RUBCN: variants seen among roughly 807,000 people sequenced by gnomAD.
RUBCN encodes the protein run domain Beclin-1-interacting and cysteine-rich domain-containing protein.
In RUBCN, 74 loss-of-function variants were observed where a neutral mutation model predicts 113.2. The ratio of observed to expected loss-of-function variants is 0.65; its 90% CI spans 0.54 to 0.79. The LOEUF (loss-of-function observed/expected upper bound fraction) is 0.79, where lower values mean the gene tolerates loss of function less well. Ranked by LOEUF, RUBCN falls within the 30% of genes least tolerant of loss-of-function variation. The pLI is 0.00. For synonymous variants in RUBCN, 480 were observed against 490.0 expected (o/e 0.98, Z 0.27); for missense variants, 1,109 against 1,251.7 (o/e 0.89, Z 1.72).
chr3:197,735,883 C>T (rs907922992), intron 1 of RUBCN, among the ~76,000 whole-genome samples: 1 of 152,186 alleles, frequency 6.6e-6, no homozygotes, highest in African/African-American at 2.4e-5. Context: ...AGGCACCGCA[C>T]CCGGTCCAAA....
intron 2 of RUBCN, among the ~76,000 whole-genome samples, chr3:197,717,321 G>C (rs978833720): frequency 6.6e-6 from 1 of 151,966 alleles, no homozygotes; most frequent in East Asian, 1.9e-4. Context: ...GCGGGCGCCT[G>C]TAGTCCCAGC....
chr3:197,743,470 A>G (rs553561738), intron 1 of RUBCN, among the ~76,000 whole-genome samples: 4 of 152,356 alleles, frequency 2.6e-5, no homozygotes, highest in Admixed American at 2.6e-4. Flanking sequence ...ACAAATTTTG[A>G]GATTAAAAGG....
rs1487235465 is a variant in RUBCN, at chr3:197,671,888, C to T, written c.*3130G>A. 2 of 152,320 alleles carry T rather than the reference C, an allele frequency of 1.3e-5. No individual in the cohort carries two copies. Among genetic ancestry groups the T allele is most frequent in the South Asian group, 2.1e-4 (1 of 4,824 alleles). The allele number at this position is 152,320 out of a possible 1,614,324, so 9.4% of individuals were successfully genotyped here. A position where few individuals can be genotyped will look rare whatever the true frequency, so the allele number is the denominator to read the frequency against. ...CTCACTTTCCTTGATGTGTGTGGTC[C>T]AGTTTGCTTTACATTATAACACAGA... On this transcript the variant is annotated 3_prime_UTR_variant, in exon 20 of 20. Transcript: ENST00000296343.
At chr3:197,707,205 G>A (rs975373351) in intron 2 of RUBCN, among the ~76,000 whole-genome samples, 2 of 152,162 alleles carry the variant, frequency 1.3e-5, no homozygotes, top group African/African-American at 2.4e-5. Context: ...GGTGGTGGGC[G>A]CCTGTAGTCC....
At chr3:197,741,212 T>C (rs1386496194), upstream of RUBCN, among the ~76,000 whole-genome samples, 3 of 152,212 alleles carry the variant, frequency 2.0e-5, no homozygotes, top group East Asian at 5.8e-4. Flanking sequence ...AATTTTAGTG[T>C]TTCACATGGA....
At chr3:197,708,328 G>A (rs1433148830) in intron 2 of RUBCN, among the ~76,000 whole-genome samples, 1 of 151,752 alleles carries the variant, frequency 6.6e-6, no homozygotes, top group African/African-American at 2.4e-5. Context: ...TAGAGATGGG[G>A]TTTCACCATG....
chr3:197,731,252 C>T (rs543574772), intron 1 of RUBCN, among the ~76,000 whole-genome samples: 2 of 152,294 alleles, frequency 1.3e-5, no homozygotes, highest in Non-Finnish European at 2.9e-5. Context: ...TTGCACCACC[C>T]TCAATCCATT....
rs1720288036 is a variant in RUBCN, at chr3:197,675,569, C to G, written c.2647-54G>C. ...TGAGGAGCGGCACATCAGGAACTGG[C>G]ACGGGAGGGTGAACACCGAGGAGGG... On this transcript the variant is annotated intron_variant, in intron 18 of 19. Transcript: ENST00000296343. This position sits in a 1 kb window ranked among gnomAD's most constrained non-coding sequence, Gnocchi z 4.4. The G allele has an allele frequency of 1.5e-6, 2 of 1,356,178 alleles. No homozygotes were observed. Among genetic ancestry groups the G allele is most frequent in the Non-Finnish European group, 1.1e-6 (1 of 948,710 alleles). The allele number at this position is 1,356,178 out of a possible 1,614,324, so 84.0% of individuals were successfully genotyped here.
chr3:197,699,432 C>T (rs1004426420), intron 7 of RUBCN, among the ~76,000 whole-genome samples: 8 of 152,202 alleles, frequency 5.3e-5, no homozygotes, highest in Non-Finnish European at 1.0e-4. Context: ...CACACATTTT[C>T]GCGGGCTCCC....
Position 197,683,346 on chromosome 3 carries a change from C to T in RUBCN, c.1941G>A (p.Glu647=), listed in dbSNP as rs376303256. 1.2e-6 allele frequency: 2 copies of T among 1,614,198 alleles called. No individual in the cohort carries two copies. The highest frequency in any genetic ancestry group is 8.5e-7 in the Non-Finnish European group (1 of 1,180,038). ...CATGCTCCGGGACAAGCCACTCCAG[C>T]TCCGAGGCGGCTGGAAGCTGCATCC... is the stretch of plus-strand genomic sequence containing the variant. ...FEGMQLPAAS[E]LEWLVPEHDA... The change falls in exon 13 of 20, where the codon GAG becomes GAA. Residue 647 remains glutamate (E), a synonymous_variant. Transcript: ENST00000296343. The surrounding 1 kb of genome is among the most constrained non-coding windows in gnomAD (Gnocchi z 4.6).
At position 197,674,852 on chromosome 3, in the gene RUBCN, G is replaced by GTGA; in HGVS notation, c.*165_*166insTCA. On this transcript the variant is annotated 3_prime_UTR_variant, in exon 20 of 20. Coordinates refer to ENST00000296343, the MANE Select transcript of RUBCN (RefSeq NM_014687.4). ...TGGACCCATCAACCTGCCGACGGCT[G>GTGA]ACTGCACACAGACGTCAGACAAGTC... is the stretch of plus-strand genomic sequence containing the variant. The GTGA allele has an allele frequency of 1.7e-6, 1 of 590,090 alleles. No individual in the cohort carries two copies. Among genetic ancestry groups the GTGA allele is most frequent in the Non-Finnish European group, 2.8e-6 (1 of 357,802 alleles). 36.6% of individuals were successfully genotyped at this position (590,090 alleles called of 1,614,324 possible).
chr3:197,684,277 G>A (rs373328211), intron 11 of RUBCN, 60 bp from the exon 12 acceptor site: 5 of 1,309,150 alleles, frequency 3.8e-6, no homozygotes, highest in Non-Finnish European at 3.3e-6. Flanking sequence ...AGGGAACCTG[G>A]AATCTATTAC....
At chr3:197,687,614 G>A (rs1459826363) in intron 11 of RUBCN, among the ~76,000 whole-genome samples, 1 of 152,242 alleles carries the variant, frequency 6.6e-6, no homozygotes, top group African/African-American at 2.4e-5. Flanking sequence ...ACCTTGGGCA[G>A]CTTTGCAGCA....
intron 1 of RUBCN, among the ~76,000 whole-genome samples, chr3:197,747,623 C>T (rs1728805623): frequency 6.6e-6 from 1 of 152,132 alleles, no homozygotes; most frequent in South Asian, 2.1e-4. Flanking sequence ...ACTCTAATTG[C>T]ATTAATTTTC....
intron 9 of RUBCN, 130 bp downstream of exon 9, chr3:197,695,736 G>A (rs1722928031): frequency 2.4e-6 from 2 of 820,000 alleles, no homozygotes; most frequent in Non-Finnish European, 4.1e-6. Flanking sequence ...AACTTGCTGA[G>A]CTTCCCTTTA....
intron 7 of RUBCN, 135 bp from the exon 8 acceptor site, chr3:197,697,184 C>G (rs185040902): frequency 1.5e-6 from 1 of 669,884 alleles, no homozygotes; most frequent in Admixed American, 2.0e-5. Context: ...GGCACACCAA[C>G]GGAACAGCCC....
intron 5 of RUBCN, among the ~76,000 whole-genome samples, chr3:197,702,533 T>G (rs567331032): frequency 2.6e-5 from 4 of 152,018 alleles, no homozygotes; most frequent in East Asian, 1.9e-4. Flanking sequence ...CGTGGTGGCG[T>G]GCACCTGTAA....
chr3:197,733,073 C>T (rs905560724), intron 1 of RUBCN, among the ~76,000 whole-genome samples: 1 of 152,158 alleles, frequency 6.6e-6, no homozygotes, highest in Non-Finnish European at 1.5e-5. Context: ...CAAATTAATC[C>T]GTGAACTAGG....
At chr3:197,729,453 C>T (rs1359621987) in intron 1 of RUBCN, among the ~76,000 whole-genome samples, 3 of 152,080 alleles carry the variant, frequency 2.0e-5, no homozygotes, top group Non-Finnish European at 4.4e-5. Context: ...CGGGGTTTCA[C>T]CATGTTGGCC....
Sources: allele counts gnomAD v4.1 joint callset (sites outside exome capture counted in the v4.1 genomes callset), GRCh38; gene constraint gnomAD v4.1.1; non-coding constraint Gnocchi (gnomAD v3.1); transcripts MANE v1.5; gene names NCBI Gene and HGNC (gene_info 2026-07-23, HGNC 2026-07-21).